The following GRIA4 variants were observed in gnomAD, a reference collection of about 807,000 sequenced individuals.
The protein encoded by GRIA4 is glutamate ionotropic receptor AMPA type subunit 4, also known as glutamate receptor 4.
In GRIA4, 34 loss-of-function variants were observed where a neutral mutation model predicts 104.0. The observed-to-expected ratio is 0.33, with a 90% CI of 0.25 to 0.44. The LOEUF (loss-of-function observed/expected upper bound fraction) is 0.44. Ranked by LOEUF, GRIA4 falls within the 20% of genes least tolerant of loss-of-function variation. The pLI is 1.00. For synonymous variants in GRIA4, 386 were observed against 381.9 expected (o/e 1.01, Z -0.13); for missense variants, 750 against 1,096.5 (o/e 0.68, Z 4.46).
intron 16 of GRIA4, among the ~76,000 whole-genome samples, chr11:105,975,822 T>C (rs778390158): frequency 1.5e-4 from 23 of 152,246 alleles, no homozygotes; most frequent in Non-Finnish European, 3.2e-4. Flanking sequence ...AAAGAGCCAA[T>C]GCCATCCCTT....
chr11:105,712,761 T>C (rs993164921), intron 3 of GRIA4, among the ~76,000 whole-genome samples: 2 of 152,030 alleles, frequency 1.3e-5, no homozygotes, highest in African/African-American at 4.8e-5. Flanking sequence ...TGCCCATAAA[T>C]AAATCATTGC....
chr11:105,964,783 TG>T (rs1266501555), intron 14 of GRIA4, among the ~76,000 whole-genome samples: 1 of 149,564 alleles, frequency 6.7e-6, no homozygotes, highest in African/African-American at 2.5e-5. Context: ...GCCCATGACA[TG>T]TTTTTTTTTG....
chr11:105,646,830 A>G (rs751223468), intron 3 of GRIA4, among the ~76,000 whole-genome samples: 31 of 152,210 alleles, frequency 2.0e-4, no homozygotes, highest in Admixed American at 5.2e-4. Flanking sequence ...ACTGAAAACT[A>G]TAAAAACCCT....
chr11:105,841,726 T>C (rs1404110683), intron 4 of GRIA4, among the ~76,000 whole-genome samples: 1 of 152,190 alleles, frequency 6.6e-6, no homozygotes, highest in Non-Finnish European at 1.5e-5. Context: ...ATTTTTGTTG[T>C]TGCTGTTGAT....
At chr11:105,856,687 A>G (rs1945019697) in intron 4 of GRIA4, among the ~76,000 whole-genome samples, 1 of 152,158 alleles carries the variant, frequency 6.6e-6, no homozygotes, top group Non-Finnish European at 1.5e-5. Context: ...CCACCAACTT[A>G]CAGACTCTAC....
intron 3 of GRIA4, among the ~76,000 whole-genome samples, chr11:105,699,356 G>T (rs1235197803): frequency 6.6e-6 from 1 of 152,114 alleles, no homozygotes; most frequent in Non-Finnish European, 1.5e-5. Context: ...GACACTAGCT[G>T]CACTCTCTAT....
intron 3 of GRIA4, among the ~76,000 whole-genome samples, chr11:105,673,376 A>G (rs921969710): frequency 2.0e-5 from 3 of 152,132 alleles, no homozygotes; most frequent in Non-Finnish European, 4.4e-5. Context: ...AATGTAACAT[A>G]AACAGTCATG....
chr11:105,757,521 A>C (rs1940383918), intron 4 of GRIA4, among the ~76,000 whole-genome samples: 1 of 152,198 alleles, frequency 6.6e-6, no homozygotes, highest in Non-Finnish European at 1.5e-5. Flanking sequence ...GAAATCCTAG[A>C]GATGAAATAC....
At position 105,924,515 on chromosome 11, in the gene GRIA4, A is replaced by C; in HGVS notation, c.1593A>C (p.Lys531Asn). Residue 531 changes from lysine to asparagine, a missense_variant, in exon 12 of 17, where the codon AAA (lysine) becomes AAC (asparagine). Coordinates refer to ENST00000282499, the MANE Select transcript of GRIA4 (RefSeq NM_000829.4). ...GISIMIKKPQ[K>N]SKPGVFSFLD... ...CTATCATGATCAAAAAGCCTCAGAA[A>C]TCCAAACCAGGAGTGTTTTCCTTCT... The C allele has an allele frequency of 6.2e-7, 1 of 1,613,364 alleles. No homozygotes were observed. Among genetic ancestry groups the C allele is most frequent in the Non-Finnish European group, 8.5e-7 (1 of 1,179,476 alleles).
At chr11:105,655,903 C>T (rs1468404106) in intron 3 of GRIA4, among the ~76,000 whole-genome samples, 1 of 151,926 alleles carries the variant, frequency 6.6e-6, no homozygotes, top group East Asian at 1.9e-4. Flanking sequence ...TTGAGGAATC[C>T]CCACACTGTC....
At chr11:105,817,216 T>C (rs1305124285) in intron 4 of GRIA4, among the ~76,000 whole-genome samples, 1 of 151,706 alleles carries the variant, frequency 6.6e-6, no homozygotes, top group African/African-American at 2.4e-5. Flanking sequence ...AAATGAAATG[T>C]TGGTAAATCA....
At chr11:105,783,622 C>T (rs1427458287) in intron 4 of GRIA4, among the ~76,000 whole-genome samples, 2 of 152,166 alleles carry the variant, frequency 1.3e-5, no homozygotes, top group Non-Finnish European at 2.9e-5. Flanking sequence ...ACATAGTTGA[C>T]ATTTCAAAAT....
intron 13 of GRIA4, among the ~76,000 whole-genome samples, chr11:105,930,514 TA>T (rs1947841736): frequency 6.6e-6 from 1 of 152,298 alleles, no homozygotes; most frequent in Non-Finnish European, 1.5e-5. Context: ...TAATTCAATG[TA>T]TTTAAACAAA....
intron 3 of GRIA4, among the ~76,000 whole-genome samples, chr11:105,667,755 A>T (rs1019236435): frequency 4.6e-5 from 7 of 152,066 alleles, no homozygotes; most frequent in African/African-American, 1.4e-4. Context: ...ATATATGTGT[A>T]CATTGTGAAA....
At chr11:105,882,677 A>C (rs1946108416) in intron 5 of GRIA4, among the ~76,000 whole-genome samples, 3 of 152,130 alleles carry the variant, frequency 2.0e-5, no homozygotes, top group Admixed American at 2.0e-4. Context: ...TCTGTATTTT[A>C]GTCATTTCTG....
rs376531533 is a variant in GRIA4, at chr11:105,750,553, G to A, written c.248-2428G>A. On this transcript the variant is annotated intron_variant, in intron 3 of 16. Transcript: ENST00000282499. ...AAATGAACGAAAGCAGATAGAAGAC[G>A]ATAAAATATCAGAAAATATTGTTTG... Among the ~76,000 whole-genome samples the A allele has an allele frequency of 3.3e-4, 50 of 152,016 alleles. 1 individual carries two copies. In the East Asian group the frequency reaches 3.7e-3, roughly 11 times the overall value.
intron 15 of GRIA4, among the ~76,000 whole-genome samples, chr11:105,973,190 C>T (rs1401355795): frequency 6.6e-6 from 1 of 152,116 alleles, no homozygotes; most frequent in Non-Finnish European, 1.5e-5. Context: ...ACTAAGGTGA[C>T]AGTGTATATA....
Position 105,981,933 on chromosome 11 carries a change from T to A in GRIA4, c.*2194T>A, listed in dbSNP as rs1175658570. On this transcript the variant is annotated 3_prime_UTR_variant, in exon 17 of 17. Coordinates refer to ENST00000282499, the MANE Select transcript of GRIA4 (RefSeq NM_000829.4). ...CTTTCCCCCATCACGGCACTTACCA[T>A]ACTGCGTTGTAATTGCCTGTGTACT... 1.3e-5 allele frequency: 2 copies of A among 152,166 alleles called. No homozygotes were observed. The highest frequency in any genetic ancestry group is 2.9e-5 in the Non-Finnish European group (2 of 67,922). 9.4% of individuals were successfully genotyped at this position (152,166 alleles called of 1,614,324 possible).
intron 16 of GRIA4, among the ~76,000 whole-genome samples, chr11:105,975,922 A>C (rs1183866589): frequency 6.6e-6 from 1 of 152,098 alleles, no homozygotes; most frequent in Admixed American, 6.5e-5. Context: ...GATTCTTTCC[A>C]AATTTTGTGA....
Sources: gnomAD v4.1 joint callset for allele counts (sites outside exome capture counted in the v4.1 genomes callset) on GRCh38, gnomAD v4.1.1 for gene constraint, MANE v1.5 for transcripts, NCBI Gene and HGNC (gene_info 2026-07-23, HGNC 2026-07-21) for gene names.